The following GABRB3 variants were observed in gnomAD, a reference collection of about 807,000 sequenced individuals.
GABRB3 encodes gamma-aminobutyric acid type A receptor subunit beta3, also known as gamma-aminobutyric acid receptor subunit beta-3.
A neutral mutation model predicts 52.1 loss-of-function variants in GABRB3; 14 were observed. The observed-to-expected ratio is 0.27, with a 90% CI of 0.18 to 0.42. The LOEUF (loss-of-function observed/expected upper bound fraction) is 0.42, where lower values mean the gene tolerates loss of function less well. Ranked by LOEUF, GABRB3 falls within the 10% of genes least tolerant of loss-of-function variation. GABRB3 has a pLI of 1.00. For synonymous variants in GABRB3, 260 were observed against 232.3 expected (o/e 1.12, Z -1.08); for missense variants, 307 against 609.1 (o/e 0.50, Z 5.22).
chr15:26,620,943 T>A (rs1382815541), intron 4 of GABRB3, among the ~76,000 whole-genome samples: 1 of 152,158 alleles, frequency 6.6e-6, no homozygotes, highest in African/African-American at 2.4e-5. Flanking sequence ...TTTTTTCAAC[T>A]GTGCAGACAG....
At chr15:26,558,615 A>G (rs1274500344) in intron 8 of GABRB3, among the ~76,000 whole-genome samples, 2 of 152,192 alleles carry the variant, frequency 1.3e-5, no homozygotes, top group Non-Finnish European at 2.9e-5. Flanking sequence ...GAAATGCCTG[A>G]GACTGGGCCA....
chr15:26,766,624 A>G (rs2052272419), intron 3 of GABRB3, among the ~76,000 whole-genome samples: 1 of 151,634 alleles, frequency 6.6e-6, no homozygotes, highest in South Asian at 2.1e-4. Context: ...TTATCCAAGG[A>G]AATATAAACA....
At chr15:26,744,329 T>C (rs1479028594) in intron 3 of GABRB3, among the ~76,000 whole-genome samples, 1 of 152,228 alleles carries the variant, frequency 6.6e-6, no homozygotes. Flanking sequence ...CCTTTTGGTT[T>C]TGTAATTTTT....
chr15:26,729,711 T>G (rs1221026295), intron 3 of GABRB3, among the ~76,000 whole-genome samples: 1 of 152,096 alleles, frequency 6.6e-6, no homozygotes, highest in Non-Finnish European at 1.5e-5. Flanking sequence ...CACCATCTGT[T>G]CCCTATGCCC....
chr15:26,698,538 A>G (rs138943447), intron 3 of GABRB3, among the ~76,000 whole-genome samples: 202 of 152,360 alleles, frequency 1.3e-3, no homozygotes, highest in African/African-American at 4.7e-3. Context: ...GATTCTTTAA[A>G]TGTTCAAAAG....
chr15:26,753,699 A>C (rs2140174677), intron 3 of GABRB3, among the ~76,000 whole-genome samples: 1 of 152,372 alleles, frequency 6.6e-6, no homozygotes, highest in Non-Finnish European at 1.5e-5. Context: ...ATTAAAGGAA[A>C]GAACCTGATG....
upstream of GABRB3, chr15:26,773,107 G>GGAGGAGCGGGCGCTGGGA: frequency 1.2e-6 from 1 of 800,466 alleles, no homozygotes; most frequent in Non-Finnish European, 1.5e-6. Flanking sequence ...GGGAGGAGGG[G>GGAGGAGCGGGCGCTGGGA]GAGGAGCGGG....
At chr15:26,749,392 ATAATAC>A (rs1377211796) in intron 3 of GABRB3, among the ~76,000 whole-genome samples, 1 of 152,216 alleles carries the variant, frequency 6.6e-6, no homozygotes, top group Non-Finnish European at 1.5e-5. Flanking sequence ...CATAAACTGT[ATAATAC>A]TAATATTTTA....
intron 3 of GABRB3, among the ~76,000 whole-genome samples, chr15:26,734,194 TA>T: frequency 6.6e-6 from 1 of 152,072 alleles, no homozygotes; most frequent in South Asian, 2.1e-4. Context: ...CACACCCAGC[TA>T]ATTTTTTGTG....
At chr15:26,615,307 T>C in intron 4 of GABRB3, 1 of 985,314 alleles carries the variant, frequency 1.0e-6, no homozygotes, top group Non-Finnish European at 1.2e-6. Context: ...TTGTCAAGGA[T>C]TTATGTTTTA....
At chr15:26,766,524 T>C (rs1891001867) in intron 3 of GABRB3, among the ~76,000 whole-genome samples, 2 of 152,220 alleles carry the variant, frequency 1.3e-5, no homozygotes, top group South Asian at 4.1e-4. Flanking sequence ...CCATTCTTCA[T>C]TTAAATGAAG....
At chr15:26,646,677 T>C (rs922738740) in intron 3 of GABRB3, among the ~76,000 whole-genome samples, 2 of 152,156 alleles carry the variant, frequency 1.3e-5, no homozygotes, top group African/African-American at 4.8e-5. Flanking sequence ...CATATAAAGT[T>C]TCCAATTTCT....
intron 3 of GABRB3, among the ~76,000 whole-genome samples, chr15:26,718,237 T>C (rs192874306): frequency 6.6e-6 from 1 of 152,294 alleles, no homozygotes; most frequent in Non-Finnish European, 1.5e-5. Flanking sequence ...GGACGGAGTT[T>C]TGCTCTTGTT....
chr15:26,732,619 G>A (rs1270894033), intron 3 of GABRB3, among the ~76,000 whole-genome samples: 1 of 151,010 alleles, frequency 6.6e-6, no homozygotes, highest in African/African-American at 2.4e-5. Flanking sequence ...CCAGGCTGGA[G>A]TGCAGTGGCA....
Position 26,576,207 on chromosome 15 carries a change from G to A in GABRB3, c.682+4112C>T, listed in dbSNP as rs1227086595. 2.6e-5 allele frequency among the ~76,000 whole-genome samples: 4 copies of A among 152,282 alleles called. No homozygotes were observed. The East Asian group carries it at 5.8e-4, about 22-fold the overall frequency. On this transcript the variant is annotated intron_variant, in intron 6 of 8. Transcript: ENST00000311550. ...CCCGTAATCTGTCTGTTATGCAAGCGCTTTGCTCACGTTTTCACAGCTTGT... is the reference window on the plus strand; with the variant it reads ...CCCGTAATCTGTCTGTTATGCAAGCACTTTGCTCACGTTTTCACAGCTTGT...
In GABRB3 at chr15:26,621,202, C is replaced by T. The variant is rs1182570151; in HGVS notation, c.461+112G>A. On this transcript the variant is annotated intron_variant, in intron 4 of 8. Transcript: ENST00000311550. This position sits in a 1 kb window ranked among gnomAD's most constrained non-coding sequence, Gnocchi z 4.1. ...GCAAAGCTTTAGTGCTTCATAGATG[C>T]TTCCTAATTTATCTGAGGTCATTGC... is the stretch of plus-strand genomic sequence containing the variant. 8.8e-6 allele frequency: 8 copies of T among 910,478 alleles called. No homozygotes were observed. 56.4% of individuals were successfully genotyped at this position (910,478 alleles called of 1,614,324 possible).
At chr15:26,772,202 C>T in intron 3 of GABRB3, 200 bp downstream of exon 3, 1 of 489,556 alleles carries the variant, frequency 2.0e-6, no homozygotes, top group Non-Finnish European at 3.5e-6. Flanking sequence ...GGCTCCGACG[C>T]CAGCCAGGCC....
intron 4 of GABRB3, among the ~76,000 whole-genome samples, chr15:26,592,089 C>CTT: frequency 6.6e-6 from 1 of 152,230 alleles, no homozygotes; most frequent in Non-Finnish European, 1.5e-5. Flanking sequence ...GCATGGAACC[C>CTT]AGAGGCTTGA....
At chr15:26,556,531 G>A (rs766637991) in intron 8 of GABRB3, among the ~76,000 whole-genome samples, 7 of 152,138 alleles carry the variant, frequency 4.6e-5, no homozygotes, top group Non-Finnish European at 7.3e-5. Context: ...CGCAAGGCTT[G>A]TAACCATAAT....
Sources: gnomAD v4.1 joint callset for allele counts (sites outside exome capture counted in the v4.1 genomes callset) on GRCh38, gnomAD v4.1.1 for gene constraint, Gnocchi (gnomAD v3.1) non-coding constraint, MANE v1.5 for transcripts, NCBI Gene and HGNC (gene_info 2026-07-23, HGNC 2026-07-21) for gene names.